Variants in TMEM132B observed in about 807,000 individuals in gnomAD.
The protein encoded by TMEM132B is transmembrane protein 132B.
In TMEM132B, 18 loss-of-function variants were observed where a neutral mutation model predicts 90.8. The observed-to-expected ratio is 0.20, with a 90% CI of 0.14 to 0.29. The LOEUF (loss-of-function observed/expected upper bound fraction) is 0.29, where lower values mean the gene tolerates loss of function less well. Ranked by LOEUF, TMEM132B falls within the 10% of genes least tolerant of loss-of-function variation. The pLI, the probability that TMEM132B is intolerant of heterozygous loss-of-function variation, is 1.00. For synonymous variants in TMEM132B, 504 were observed against 523.3 expected, an observed-to-expected ratio of 0.96 and a Z score of 0.50; for missense variants, 1,096 against 1,326.8, an observed-to-expected ratio of 0.83 and a Z score of 2.70.
chr12:125,470,638 G>A (rs1288529261), intron 3 of TMEM132B, among the ~76,000 whole-genome samples: 2 of 151,906 alleles, frequency 1.3e-5, no homozygotes, highest in East Asian at 1.9e-4. Flanking sequence ...TTCAAGATTG[G>A]GCAAAAAGAA....
chr12:125,252,548 A>T (rs1019990456), intron 1 of TMEM132B, among the ~76,000 whole-genome samples: 5 of 152,190 alleles, frequency 3.3e-5, no homozygotes, highest in Non-Finnish European at 5.9e-5. Context: ...ATGGCTTCTG[A>T]ACAAACCTGG....
intron 1 of TMEM132B, among the ~76,000 whole-genome samples, chr12:125,300,203 T>A (rs1258935901): frequency 1.3e-5 from 2 of 152,132 alleles, no homozygotes; most frequent in Non-Finnish European, 2.9e-5. Context: ...TTTGTTCTTT[T>A]TTTTTTGGTA....
intron 1 of TMEM132B, among the ~76,000 whole-genome samples, chr12:125,267,583 G>A (rs557059516): frequency 1.8e-4 from 28 of 152,250 alleles, no homozygotes; most frequent in African/African-American, 6.5e-4. Context: ...ACACAGAAAT[G>A]TTTCTCTACT....
At position 125,659,154 on chromosome 12, in the gene TMEM132B, G is replaced by C. The variant is rs1221116389; in HGVS notation, c.*4444G>C. 1 of 152,188 alleles carries C rather than the reference G, an allele frequency of 6.6e-6. No homozygotes were observed. The highest frequency in any genetic ancestry group is 6.5e-5 in the Admixed American group (1 of 15,276). 9.4% of individuals were successfully genotyped at this position (152,188 alleles called of 1,614,324 possible). On this transcript the variant is annotated 3_prime_UTR_variant, in exon 9 of 9. Transcript: ENST00000682704. ...CAGAGATTTTAATACCCTTGATGCA[G>C]TAATAAATGGACATCAAAAGAAAAC...
rs146331659 is a variant in TMEM132B at position 125,490,370 on chromosome 12, G to GT, written c.1107-29063dup. 0.023 allele frequency among the ~76,000 whole-genome samples: 3,426 copies of GT among 152,264 alleles called. 140 individuals are homozygous for GT. Among genetic ancestry groups the GT allele is most frequent in the African/African-American group, 0.077 (3,181 of 41,544 alleles). On this transcript the variant is annotated intron_variant, in intron 3 of 8. Coordinates refer to ENST00000682704, the MANE Select transcript of TMEM132B (RefSeq NM_001366854.1). The surrounding 1 kb of genome is among the most constrained non-coding windows in gnomAD (Gnocchi z 4.2). The stretch of plus-strand genomic sequence containing the variant: ...GCCTCAAAGTTCAACTCTTGTTGAT[G>GT]TTTTTTCAGTAGGCCTGTGGTAGTA...
intron 5 of TMEM132B, among the ~76,000 whole-genome samples, chr12:125,589,299 G>T (rs528277232): frequency 6.6e-6 from 1 of 151,884 alleles, no homozygotes; most frequent in African/African-American, 2.4e-5. Flanking sequence ...TGGCTAACAC[G>T]GTGAAACCCT....
At chr12:125,243,032 T>TATACACAC (rs1215676534) in intron 1 of TMEM132B, among the ~76,000 whole-genome samples, 1 of 135,006 alleles carries the variant, frequency 7.4e-6, no homozygotes, top group African/African-American at 2.8e-5. Context: ...TATATATATA[T>TATACACAC]ACACACACAC....
intron 1 of TMEM132B, among the ~76,000 whole-genome samples, chr12:125,203,221 G>A (rs1393962898): frequency 6.6e-6 from 1 of 152,122 alleles, no homozygotes; most frequent in Non-Finnish European, 1.5e-5. Context: ...TGGTACAAGA[G>A]GCCCTTCCTT....
chr12:125,252,426 G>A (rs372077920), intron 1 of TMEM132B, among the ~76,000 whole-genome samples: 14 of 152,142 alleles, frequency 9.2e-5, no homozygotes, highest in African/African-American at 3.4e-4. Flanking sequence ...GCTGTCTCTG[G>A]TTCTCATTTC....
chr12:125,442,421 G>A (rs762427533), intron 3 of TMEM132B, among the ~76,000 whole-genome samples: 11 of 152,160 alleles, frequency 7.2e-5, no homozygotes, highest in Non-Finnish European at 1.2e-4. Flanking sequence ...CATTTTGGGG[G>A]TCAGAGCTGA....
In TMEM132B at chr12:125,414,330, G is replaced by C. The variant is rs1465110880; in HGVS notation, c.960-1201G>C. 2.6e-5 allele frequency among the ~76,000 whole-genome samples: 4 copies of C among 151,794 alleles called. No individual in the cohort carries two copies. The South Asian group carries it at 8.4e-4, about 32-fold the overall frequency. On this transcript the variant is annotated intron_variant, in intron 2 of 8. Coordinates refer to ENST00000682704, the MANE Select transcript of TMEM132B (RefSeq NM_001366854.1). The stretch of plus-strand genomic sequence containing the variant: ...TCACTTGTTTTTAAATAGTGTCCTA[G>C]ACCTGCTGCTATGTGTGGATTTGAT...
intron 4 of TMEM132B, among the ~76,000 whole-genome samples, chr12:125,570,894 G>A (rs1884775264): frequency 6.6e-6 from 1 of 152,082 alleles, no homozygotes; most frequent in African/African-American, 2.4e-5. Context: ...CCAGGCCTTG[G>A]GGTTGTGGGC....
rs760019282 is a variant in TMEM132B at position 125,652,631 on chromosome 12, A to G, written c.2105A>G (p.Gln702Arg). 6.2e-7 allele frequency: 1 copy of G among 1,609,498 alleles called. No individual in the cohort carries two copies. The highest frequency in any genetic ancestry group is 8.5e-7 in the Non-Finnish European group (1 of 1,177,678). The change falls in exon 8 of 9, where the codon CAG becomes CGG. Residue 702 changes from glutamine to arginine, a missense_variant and splice_region_variant. Physicochemically the swap from Gln to Arg is conservative, Grantham distance 43 (BLOSUM62 1). Transcript: ENST00000682704. The part of the protein sequence containing the change: ...AALDVLQSPQ[Q>R]EAIVSSWILF... Reference sequence around the variant, plus strand: ...CTGGATGTTCTTCAGTCCCCACAGCAGGTGAGCGTTCCAGGGGCCCTGCGT... The same window carrying G: ...CTGGATGTTCTTCAGTCCCCACAGCGGGTGAGCGTTCCAGGGGCCCTGCGT...
rs2286290 is a variant in TMEM132B, at chr12:125,661,768, C to T, written c.*7058C>T. ...ATTAAGTCATAAGGAAATGATCAAA[C>T]CTAGGGAAAAATAAGTGGCTATAAA... On this transcript the variant is annotated 3_prime_UTR_variant, in exon 9 of 9. Transcript: ENST00000682704. The T allele has an allele frequency of 0.13, 20,227 of 152,132 alleles. 1,590 individuals carry two copies. Among genetic ancestry groups the T allele is most frequent in the South Asian group, 0.23 (1,091 of 4,818 alleles). 9.4% of individuals were successfully genotyped at this position (152,132 alleles called of 1,614,324 possible).
intron 4 of TMEM132B, among the ~76,000 whole-genome samples, chr12:125,530,233 GTT>G (rs34629082): frequency 1.9e-4 from 28 of 147,840 alleles, no homozygotes; most frequent in Middle Eastern, 3.5e-3. Context: ...TTATTCCATA[GTT>G]TTTTTTTTTT....
At chr12:125,268,884 C>T (rs1245164008) in intron 1 of TMEM132B, among the ~76,000 whole-genome samples, 1 of 152,214 alleles carries the variant, frequency 6.6e-6, no homozygotes, top group Non-Finnish European at 1.5e-5. Context: ...GGGCTAGAAT[C>T]AGCATCCCTG....
intron 1 of TMEM132B, among the ~76,000 whole-genome samples, chr12:125,347,215 A>G (rs75959359): frequency 6.6e-6 from 1 of 152,230 alleles, no homozygotes; most frequent in Admixed American, 6.5e-5. Context: ...GGCAGAATTC[A>G]TGACTGCATT....
intron 1 of TMEM132B, among the ~76,000 whole-genome samples, chr12:125,252,213 A>G (rs1874332754): frequency 1.3e-5 from 2 of 152,210 alleles, no homozygotes; most frequent in African/African-American, 4.8e-5. Flanking sequence ...AGTGGGCCTC[A>G]GGAAGGGCCC....
At chr12:125,189,294 G>C (rs1451427529) in intron 1 of TMEM132B, among the ~76,000 whole-genome samples, 1 of 151,932 alleles carries the variant, frequency 6.6e-6, no homozygotes, top group Admixed American at 6.5e-5. Flanking sequence ...GCAAATTAGC[G>C]GTGCAGTTAC....
Sources: gnomAD v4.1 joint callset for allele counts (sites outside exome capture counted in the v4.1 genomes callset) on GRCh38, gnomAD v4.1.1 for gene constraint, Gnocchi (gnomAD v3.1) non-coding constraint, MANE v1.5 for transcripts, NCBI Gene and HGNC (gene_info 2026-07-23, HGNC 2026-07-21) for gene names.